Variants in SARNP observed in about 807,000 individuals in gnomAD.
SARNP encodes SAP domain containing ribonucleoprotein.
In SARNP, 5 loss-of-function variants were observed where a neutral mutation model predicts 38.1. The observed-to-expected ratio is 0.13, with a 90% CI of 0.07 to 0.28. The LOEUF (loss-of-function observed/expected upper bound fraction) is 0.28. SARNP is among the 10% of genes least tolerant of loss of function. The pLI is 1.00. For synonymous variants in SARNP, 84 were observed against 80.6 expected (o/e 1.04, Z -0.23); for missense variants, 180 against 243.9 (o/e 0.74, Z 1.75).
At chr12:55,807,892 G>A (rs1010154889) in intron 1 of SARNP, among the ~76,000 whole-genome samples, 4 of 151,746 alleles carry the variant, frequency 2.6e-5, no homozygotes, top group Non-Finnish European at 4.4e-5. Flanking sequence ...CCACTTCCTG[G>A]AGAACAAGTC....
chr12:55,797,633 C>T (rs1293215204), intron 4 of SARNP, among the ~76,000 whole-genome samples: 1 of 152,192 alleles, frequency 6.6e-6, no homozygotes, highest in Non-Finnish European at 1.5e-5. Flanking sequence ...ACAGTCAATG[C>T]AGTGCACATC....
At chr12:55,799,680 A>G (rs1467281200) in intron 4 of SARNP, among the ~76,000 whole-genome samples, 3 of 147,190 alleles carry the variant, frequency 2.0e-5, no homozygotes, top group Non-Finnish European at 4.5e-5. Flanking sequence ...CAGCCTCCCA[A>G]GTAGCTGGAA....
chr12:55,753,884 C>T (rs1878419930), downstream of SARNP: 2 of 151,698 alleles, frequency 1.3e-5, no homozygotes, highest in African/African-American at 4.9e-5. Flanking sequence ...AGGGTCAAGG[C>T]TGCAGTGTGC....
chr12:55,813,083 T>C (rs1880377953), intron 1 of SARNP, among the ~76,000 whole-genome samples: 1 of 152,064 alleles, frequency 6.6e-6, no homozygotes, highest in Non-Finnish European at 1.5e-5. Flanking sequence ...GTAGCTGGGA[T>C]TACAAGTGCG....
intron 1 of SARNP, among the ~76,000 whole-genome samples, chr12:55,806,241 T>G (rs757987071): frequency 2.6e-4 from 40 of 152,210 alleles, no homozygotes; most frequent in Middle Eastern, 6.8e-3. Context: ...AGTACCTATT[T>G]CATAGGGTTG....
chr12:55,775,417 C>T (rs1246184480), intron 9 of SARNP, among the ~76,000 whole-genome samples: 5 of 150,258 alleles, frequency 3.3e-5, no homozygotes, highest in Admixed American at 2.7e-4. Flanking sequence ...AAAAATTAGC[C>T]GGGCATGGTG....
At chr12:55,754,039 G>A (rs774447191), downstream of SARNP, 10 of 152,158 alleles carry the variant, frequency 6.6e-5, no homozygotes, top group African/African-American at 1.2e-4. Context: ...GCGCTACTGC[G>A]GGTTCAATGT....
intron 5 of SARNP, 48 bp from the exon 6 acceptor site, chr12:55,794,928 T>C (rs779784259): frequency 2.4e-6 from 2 of 825,260 alleles, no homozygotes; most frequent in East Asian, 6.0e-5. Flanking sequence ...ATTTATGGTT[T>C]AAGAAAGTCA....
chr12:55,803,834 C>A, intron 1 of SARNP, 106 bp from the exon 2 acceptor site: 1 of 684,030 alleles, frequency 1.5e-6, no homozygotes, highest in Non-Finnish European at 2.5e-6. Flanking sequence ...AAGTTCCATC[C>A]CAAATTACTG....
chr12:55,780,910 A>G (rs1879323475), intron 9 of SARNP, among the ~76,000 whole-genome samples: 1 of 152,180 alleles, frequency 6.6e-6, no homozygotes, highest in Non-Finnish European at 1.5e-5. Flanking sequence ...TTCCCATTTA[A>G]TATTTTAGGA....
intron 1 of SARNP, among the ~76,000 whole-genome samples, chr12:55,805,372 T>C (rs1435690428): frequency 2.6e-5 from 4 of 152,266 alleles, no homozygotes; most frequent in Non-Finnish European, 5.9e-5. Flanking sequence ...CCCAACAAGC[T>C]GAAAGCAACC....
chr12:55,791,389 T>C (rs1879663590), intron 7 of SARNP, among the ~76,000 whole-genome samples: 1 of 152,200 alleles, frequency 6.6e-6, no homozygotes, highest in African/African-American at 2.4e-5. Context: ...AGAACTACTA[T>C]CATGAGTTGA....
intron 2 of SARNP, among the ~76,000 whole-genome samples, chr12:55,803,352 T>C (rs1223825810): frequency 6.6e-6 from 1 of 151,762 alleles, no homozygotes; most frequent in Non-Finnish European, 1.5e-5. Flanking sequence ...GGCATGGTGG[T>C]GCTCGCCTGT....
chr12:55,797,575 T>TCCATCAAC (rs1229332624), intron 4 of SARNP, among the ~76,000 whole-genome samples: 5 of 152,182 alleles, frequency 3.3e-5, no homozygotes, highest in Non-Finnish European at 5.9e-5. Context: ...AGTAGTACTC[T>TCCATCAAC]CCATCAACCC....
chr12:55,764,330 G>A lies in SARNP; in HGVS notation c.502-3690C>T, dbSNP rs1369121749. On this transcript the variant is annotated intron_variant, in intron 9 of 10. Coordinates refer to ENST00000336133, the MANE Select transcript of SARNP (RefSeq NM_033082.4). ...TCTAAAATCCTGAGGTCGGGAGTTC[G>A]AGACCAGCCTGACCAACATGGAGAA... is the stretch of plus-strand genomic sequence containing the variant. 3.9e-5 allele frequency among the ~76,000 whole-genome samples: 6 copies of A among 152,062 alleles called. No homozygotes were observed. In the East Asian group the frequency reaches 1.2e-3, roughly 30 times the overall value.
At chr12:55,786,376 G>T (rs893152189) in intron 9 of SARNP, among the ~76,000 whole-genome samples, 2 of 152,208 alleles carry the variant, frequency 1.3e-5, no homozygotes, top group Non-Finnish European at 2.9e-5. Context: ...ATGAGAACTA[G>T]GGCCGCAGAA....
At chr12:55,802,937 A>AC (rs1314892458) in intron 2 of SARNP, among the ~76,000 whole-genome samples, 4 of 151,750 alleles carry the variant, frequency 2.6e-5, no homozygotes, top group Non-Finnish European at 5.9e-5. Context: ...AAAAAAAAAA[A>AC]ACACAATACT....
intron 9 of SARNP, among the ~76,000 whole-genome samples, chr12:55,772,563 G>A (rs1037735685): frequency 6.6e-6 from 1 of 152,122 alleles, no homozygotes; most frequent in African/African-American, 2.4e-5. Context: ...CAGAGGAAAT[G>A]AAGGTGTCAC....
At chr12:55,785,002 T>TC (rs1162096588) in intron 9 of SARNP, among the ~76,000 whole-genome samples, 1 of 152,202 alleles carries the variant, frequency 6.6e-6, no homozygotes, top group East Asian at 1.9e-4. Context: ...GGTGCTAGTC[T>TC]CCAAACTGTT....
Sources: gnomAD v4.1 joint callset for allele counts (sites outside exome capture counted in the v4.1 genomes callset) on GRCh38, gnomAD v4.1.1 for gene constraint, MANE v1.5 for transcripts, NCBI Gene and HGNC (gene_info 2026-07-23, HGNC 2026-07-21) for gene names.